RTN4: variants seen among roughly 807,000 people sequenced by gnomAD.
RTN4 encodes reticulon 4, also known as reticulon-4.
Under a neutral mutation model 90.4 loss-of-function variants are expected in RTN4, and 32 were observed. The observed-to-expected ratio is 0.35, with a 90% CI of 0.27 to 0.48. The LOEUF is 0.48. Ranked by LOEUF, RTN4 falls within the 20% of genes least tolerant of loss-of-function variation. The pLI is 0.99. For missense variants in RTN4, 1,706 were observed against 1,430.2 expected (o/e 1.19, Z -3.11); for synonymous variants, 629 against 552.5 (o/e 1.14, Z -1.94).
At chr2:55,070,774 T>TTTG (rs1267623191) in intron 2 of RTN4, among the ~76,000 whole-genome samples, 4 of 151,158 alleles carry the variant, frequency 2.6e-5, no homozygotes, top group African/African-American at 9.7e-5. Flanking sequence ...TTGTTGTTTG[T>TTTG]TTTTTTGTTT....
chr2:55,070,943 A>AT (rs1435518171), intron 2 of RTN4, among the ~76,000 whole-genome samples: 1 of 151,402 alleles, frequency 6.6e-6, no homozygotes, highest in Non-Finnish European at 1.5e-5. Flanking sequence ...CGCCTGGCTA[A>AT]TTTTTTGTAT....
intron 1 of RTN4, among the ~76,000 whole-genome samples, chr2:55,091,850 A>G (rs368827380): frequency 0.89 from 135,663 of 151,756 alleles, 60,853 homozygotes; most frequent in Middle Eastern, 0.97. Context: ...AGAGAAAAAT[A>G]AAAAAGATGC....
chr2:54,972,636 T>TGCC lies in RTN4; in HGVS notation c.*519_*520insGGC. The stretch of plus-strand genomic sequence containing the variant: ...ATCTATATTTACTTATATTGGCAAT[T>TGCC]AATATAACAGTAAAAGTCACAATAC... On this transcript the variant is annotated 3_prime_UTR_variant, in exon 9 of 9. Transcript: ENST00000337526. 6.5e-6 allele frequency: 1 copy of TGCC among 152,700 alleles called. No homozygotes were observed. Among genetic ancestry groups the TGCC allele is most frequent in the Middle Eastern group, 3.2e-3 (1 of 316 alleles). 9.5% of individuals were successfully genotyped at this position (152,700 alleles called of 1,614,324 possible). A position where few individuals can be genotyped will look rare whatever the true frequency, so the allele number is the denominator to read the frequency against.
chr2:54,981,460 C>G (rs1460523237), intron 5 of RTN4, among the ~76,000 whole-genome samples: 5 of 152,030 alleles, frequency 3.3e-5, no homozygotes, highest in African/African-American at 1.2e-4. Flanking sequence ...TGAGAATTAC[C>G]ACCACTACAT....
chr2:55,126,549 G>A, the RTN4 span, among the ~76,000 whole-genome samples: 2 of 152,190 alleles, frequency 1.3e-5, no homozygotes, highest in Admixed American at 1.3e-4. Flanking sequence ...AGGTTGTGGA[G>A]AAAAGGGAAC....
At chr2:55,135,857 T>C in the RTN4 span, among the ~76,000 whole-genome samples, 1 of 152,248 alleles carries the variant, frequency 6.6e-6, no homozygotes. Context: ...GTTTAATTAT[T>C]GTGAGGTTCA....
chr2:55,091,102 C>T (rs1228226013), intron 1 of RTN4, among the ~76,000 whole-genome samples: 1 of 152,232 alleles, frequency 6.6e-6, no homozygotes, highest in Non-Finnish European at 1.5e-5. Flanking sequence ...CCTGTCTTTC[C>T]TCTGGCCACC....
At chr2:54,989,549 A>G (rs1244929123) in intron 3 of RTN4, among the ~76,000 whole-genome samples, 2 of 152,234 alleles carry the variant, frequency 1.3e-5, no homozygotes, top group Non-Finnish European at 2.9e-5. Context: ...GAGCAACGCT[A>G]ATAGGTTTCT....
chr2:55,017,695 C>A (rs1992615), intron 3 of RTN4, among the ~76,000 whole-genome samples: 9,977 of 152,236 alleles, frequency 0.066, 1,020 homozygotes, highest in African/African-American at 0.22. Flanking sequence ...GGCCTACCAA[C>A]ATAAACAGAT....
chr2:54,984,134 C>T (rs1370145877), intron 4 of RTN4, among the ~76,000 whole-genome samples: 1 of 152,196 alleles, frequency 6.6e-6, no homozygotes, highest in African/African-American at 2.4e-5. Context: ...CATCTCAAAT[C>T]TCACCCATAC....
At chr2:55,085,400 C>T (rs189188747) in intron 1 of RTN4, among the ~76,000 whole-genome samples, 55 of 152,254 alleles carry the variant, frequency 3.6e-4, no homozygotes, top group Admixed American at 9.2e-4. Context: ...AGTCCAAAAT[C>T]TGCAGGGCAG....
intron 2 of RTN4, among the ~76,000 whole-genome samples, chr2:55,071,550 A>AAG (rs1166729036): frequency 6.6e-6 from 1 of 151,082 alleles, no homozygotes; most frequent in Admixed American, 6.6e-5. Context: ...CATCAAAAAA[A>AAG]AAAAAAAAAA....
chr2:55,107,345 A>T (rs1667960873), intron 1 of RTN4, among the ~76,000 whole-genome samples: 1 of 151,272 alleles, frequency 6.6e-6, no homozygotes, highest in South Asian at 2.1e-4. Context: ...TCAGTTCATA[A>T]ATAAGTTTTA....
intron 1 of RTN4, among the ~76,000 whole-genome samples, chr2:55,110,092 T>G (rs1558883931): frequency 6.6e-6 from 1 of 152,048 alleles, no homozygotes; most frequent in Non-Finnish European, 1.5e-5. Context: ...GTGGATAGCT[T>G]GAGCCCAGGA....
chr2:55,014,297 T>A (rs1198211856), intron 3 of RTN4: 1 of 152,122 alleles, frequency 6.6e-6, no homozygotes, highest in Non-Finnish European at 1.5e-5. Context: ...AAATGAATAC[T>A]AAAATTCATA....
chr2:54,998,731 A>C (rs752191540), intron 3 of RTN4, among the ~76,000 whole-genome samples: 1 of 152,208 alleles, frequency 6.6e-6, no homozygotes, highest in Non-Finnish European at 1.5e-5. Context: ...AGAAACATTT[A>C]AATTCATTTT....
intron 1 of RTN4, among the ~76,000 whole-genome samples, chr2:55,089,081 C>T (rs1668892690): frequency 6.6e-6 from 1 of 152,044 alleles, no homozygotes; most frequent in Non-Finnish European, 1.5e-5. Context: ...TACAGGCGCT[C>T]ACAGTTAATT....
At chr2:55,030,173 AAATTTGTGCC>A (rs1682201002) in intron 1 of RTN4, among the ~76,000 whole-genome samples, 1 of 152,160 alleles carries the variant, frequency 6.6e-6, no homozygotes, top group South Asian at 2.1e-4. Flanking sequence ...AACTACATCT[AAATTTGTGCC>A]ATAATTTTAA....
the RTN4 span, among the ~76,000 whole-genome samples, chr2:55,133,652 A>G: frequency 6.6e-6 from 1 of 152,182 alleles, no homozygotes; most frequent in Non-Finnish European, 1.5e-5. Flanking sequence ...AGAAGAAGGG[A>G]AACTTAGTTA....
Sources: gnomAD v4.1 joint callset for allele counts (sites outside exome capture counted in the v4.1 genomes callset) on GRCh38, gnomAD v4.1.1 for gene constraint, MANE v1.5 for transcripts, NCBI Gene and HGNC (gene_info 2026-07-23, HGNC 2026-07-21) for gene names.